The following KLHL29 variants were observed in gnomAD, a reference collection of about 807,000 sequenced individuals.
KLHL29 encodes the protein kelch-like protein 29.
Under a neutral mutation model 80.4 loss-of-function variants are expected in KLHL29, and 21 were observed. The ratio of observed to expected loss-of-function variants is 0.26; its 90% CI spans 0.19 to 0.38. The LOEUF (loss-of-function observed/expected upper bound fraction) is 0.38. Ranked by LOEUF, KLHL29 falls within the 10% of genes least tolerant of loss-of-function variation. The pLI is 1.00. For missense variants in KLHL29, 867 were observed against 1,223.9 expected (o/e 0.71, Z 4.35); for synonymous variants, 511 against 526.8 (o/e 0.97, Z 0.41).
At chr2:23,435,498 A>G (rs575263513) in intron 1 of KLHL29, among the ~76,000 whole-genome samples, 2 of 152,176 alleles carry the variant, frequency 1.3e-5, no homozygotes, top group South Asian at 4.1e-4. Context: ...ATAGCGTGAC[A>G]AAGAATCCAC....
chr2:23,654,350 C>T (rs1670173681), intron 5 of KLHL29, among the ~76,000 whole-genome samples: 1 of 152,128 alleles, frequency 6.6e-6, no homozygotes, highest in African/African-American at 2.4e-5. Context: ...TTGCTGCAGA[C>T]CTCACACGCC....
At chr2:23,597,397 ATATATATATATTTTTTT>A (rs1668447084) in intron 3 of KLHL29, among the ~76,000 whole-genome samples, 15 of 90,248 alleles carry the variant, frequency 1.7e-4, no homozygotes, top group Non-Finnish European at 2.6e-4. Context: ...ATATATATAT[ATATATATATATTTTTTT>A]TTTTTTTTTT....
At chr2:23,554,874 G>A (rs1667243857) in intron 2 of KLHL29, among the ~76,000 whole-genome samples, 2 of 152,176 alleles carry the variant, frequency 1.3e-5, no homozygotes, top group African/African-American at 2.4e-5. Flanking sequence ...TCCAGCAAGT[G>A]TCCAGGAGTC....
chr2:23,553,061 C>T (rs545294885), intron 2 of KLHL29, among the ~76,000 whole-genome samples: 15 of 152,270 alleles, frequency 9.9e-5, no homozygotes, highest in African/African-American at 2.6e-4. Flanking sequence ...CTCCCGGCCA[C>T]GGCTCTGGTT....
intron 3 of KLHL29, among the ~76,000 whole-genome samples, chr2:23,594,124 CGAG>C (rs1553341935): frequency 1.3e-5 from 2 of 152,086 alleles, no homozygotes; most frequent in Non-Finnish European, 2.9e-5. Flanking sequence ...ACAGGGGTGT[CGAG>C]GAGTTGATTA....
At chr2:23,497,990 G>A (rs1665319356) in intron 2 of KLHL29, among the ~76,000 whole-genome samples, 1 of 152,102 alleles carries the variant, frequency 6.6e-6, no homozygotes, top group Admixed American at 6.5e-5. Context: ...AATTTAAGGT[G>A]TGCAGCACAA....
chr2:23,431,905 A>G (rs1215184162), intron 1 of KLHL29, among the ~76,000 whole-genome samples: 2 of 139,460 alleles, frequency 1.4e-5, no homozygotes, highest in African/African-American at 6.5e-5. Context: ...CCATCTCAAA[A>G]AAAAAAAAAA....
At chr2:23,439,156 A>G (rs981017115) in intron 1 of KLHL29, among the ~76,000 whole-genome samples, 4 of 150,320 alleles carry the variant, frequency 2.7e-5, no homozygotes, top group African/African-American at 9.9e-5. Flanking sequence ...TGGTGGTGAT[A>G]TCCCCTTTAT....
intron 5 of KLHL29, among the ~76,000 whole-genome samples, chr2:23,678,995 A>G (rs1049163372): frequency 6.6e-6 from 1 of 151,894 alleles, no homozygotes; most frequent in Non-Finnish European, 1.5e-5. Flanking sequence ...CAACAGTGTG[A>G]ATATACTTAA....
intron 3 of KLHL29, among the ~76,000 whole-genome samples, chr2:23,610,269 G>A (rs533411538): frequency 2.6e-4 from 39 of 152,298 alleles, no homozygotes; most frequent in African/African-American, 9.4e-4. Flanking sequence ...CTGGCCTCTC[G>A]GTACTGAATT....
intron 1 of KLHL29, among the ~76,000 whole-genome samples, chr2:23,390,245 AAGG>A (rs1291418956): frequency 1.3e-5 from 2 of 152,324 alleles, no homozygotes; most frequent in Admixed American, 6.5e-5. Context: ...TTAGGGTAGA[AAGG>A]AGAAGAGTTC....
At chr2:23,460,121 G>A (rs1664169158) in intron 1 of KLHL29, among the ~76,000 whole-genome samples, 1 of 152,170 alleles carries the variant, frequency 6.6e-6, no homozygotes, top group African/African-American at 2.4e-5. Flanking sequence ...TTCATTACTT[G>A]ATCCAACATG....
Position 23,696,682 on chromosome 2 carries a change from G to C in KLHL29, c.2105+169G>C, listed in dbSNP as rs1671978898. ...TCAGTCACAGCACCGGGGGCAGCAG[G>C]GTGTGGGATACAAGCAGATGGGATG... is the stretch of plus-strand genomic sequence containing the variant. On this transcript the variant is annotated intron_variant, in intron 11 of 13. Coordinates refer to ENST00000486442, the MANE Select transcript of KLHL29 (RefSeq NM_052920.2). The surrounding 1 kb of genome is among the most constrained non-coding windows in gnomAD (Gnocchi z 5.5). 6.9e-6 allele frequency: 4 copies of C among 578,854 alleles called. No homozygotes were observed. The highest frequency in any genetic ancestry group is 6.9e-5 in the Admixed American group (2 of 28,844). The allele number at this position is 578,854 out of a possible 1,614,324, so 35.9% of individuals were successfully genotyped here.
intron 4 of KLHL29, 132 bp downstream of exon 4, chr2:23,639,412 C>A (rs1341209152): frequency 4.5e-5 from 38 of 839,810 alleles, no homozygotes; most frequent in Middle Eastern, 6.1e-4. Context: ...TCCTCAGGTT[C>A]AGGGGGCAAA....
chr2:23,581,440 G>A (rs981900031), intron 3 of KLHL29, among the ~76,000 whole-genome samples: 3 of 152,206 alleles, frequency 2.0e-5, no homozygotes, highest in Admixed American at 6.5e-5. Context: ...CTCCACTTGC[G>A]ATGGAGTGTG....
At chr2:23,560,441 T>G (rs1317294545) in intron 2 of KLHL29, among the ~76,000 whole-genome samples, 1 of 152,000 alleles carries the variant, frequency 6.6e-6, no homozygotes, top group Non-Finnish European at 1.5e-5. Context: ...CAACTAATTT[T>G]AGTGTTTTTA....
chr2:23,429,061 T>G (rs1189777143), intron 1 of KLHL29, among the ~76,000 whole-genome samples: 1 of 152,168 alleles, frequency 6.6e-6, no homozygotes, highest in Non-Finnish European at 1.5e-5. Context: ...GCGAGGGAGT[T>G]TGGAACTCAT....
intron 3 of KLHL29, among the ~76,000 whole-genome samples, chr2:23,624,646 C>T (rs547145046): frequency 1.4e-4 from 22 of 152,312 alleles, no homozygotes; most frequent in African/African-American, 4.8e-4. Flanking sequence ...CTTTCCAGTC[C>T]TTTGCTTTTG....
rs375627938 is a variant in KLHL29, at chr2:23,639,349, G to A, written c.427+69G>A. ...TGGCGGGAAGCTAGAGGCTTCCTGGGGACCCCAACTCCTGCACAGCAGGTC... is the reference window on the plus strand; with the variant it reads ...TGGCGGGAAGCTAGAGGCTTCCTGGAGACCCCAACTCCTGCACAGCAGGTC... On this transcript the variant is annotated intron_variant, in intron 4 of 13. Transcript: ENST00000486442. 580 of 1,472,282 alleles carry A rather than the reference G, an allele frequency of 3.9e-4. 7 individuals carry two copies. In the Admixed American group the frequency reaches 9.4e-3, roughly 24 times the overall value. The allele number at this position is 1,472,282 out of a possible 1,614,324, so 91.2% of individuals were successfully genotyped here. A position where few individuals can be genotyped will look rare whatever the true frequency, so the allele number is the denominator to read the frequency against.
Sources: allele counts gnomAD v4.1 joint callset (sites outside exome capture counted in the v4.1 genomes callset), GRCh38; gene constraint gnomAD v4.1.1; non-coding constraint Gnocchi (gnomAD v3.1); transcripts MANE v1.5; gene names NCBI Gene and HGNC (gene_info 2026-07-23, HGNC 2026-07-21).